The following ZNF462 variants were observed in gnomAD, a reference collection of about 807,000 sequenced individuals.
ZNF462 encodes zinc finger PBX1-interacting protein.
Under a neutral mutation model 201.9 loss-of-function variants are expected in ZNF462, and 10 were observed. The ratio of observed to expected loss-of-function variants is 0.05; its 90% CI spans 0.03 to 0.08. ZNF462 has a LOEUF of 0.08. Ranked by LOEUF, ZNF462 falls within the 10% of genes least tolerant of loss-of-function variation. The pLI, the probability that ZNF462 is intolerant of heterozygous loss-of-function variation, is 1.00. For missense variants in ZNF462, 2,523 were observed against 3,168.3 expected, an observed-to-expected ratio of 0.80 and a Z score of 4.89; for synonymous variants, 1,227 against 1,193.3, an observed-to-expected ratio of 1.03 and a Z score of -0.58.
chr9:106,939,547 G>A (rs557536910), intron 7 of ZNF462, among the ~76,000 whole-genome samples: 1 of 152,306 alleles, frequency 6.6e-6, no homozygotes, highest in East Asian at 1.9e-4. Context: ...AGTGCAAAGG[G>A]TGAATGAGTG....
upstream of ZNF462, among the ~76,000 whole-genome samples, chr9:106,861,457 G>A (rs1827064821): frequency 6.6e-6 from 1 of 152,188 alleles, no homozygotes; most frequent in Non-Finnish European, 1.5e-5. Flanking sequence ...CACCGGATGC[G>A]CGCTCCTCAA....
At position 106,919,610 on chromosome 9, in the gene ZNF462, A is replaced by G. The variant is rs895979210; in HGVS notation, c.-30-3744A>G. ...TTGTGGGTTTGCCCATCAAAACCCC[A>G]CATTTTGAAATCCTTCAAACTGTAA... is the stretch of plus-strand genomic sequence containing the variant. On this transcript the variant is annotated intron_variant, in intron 1 of 12. Transcript: ENST00000277225. This position sits in a 1 kb window ranked among gnomAD's most constrained non-coding sequence, Gnocchi z 4.5. 6.6e-6 allele frequency among the ~76,000 whole-genome samples: 1 copy of G among 152,236 alleles called. No individual in the cohort carries two copies. The highest frequency in any genetic ancestry group is 1.5e-5 in the Non-Finnish European group (1 of 68,036).
chr9:106,901,607 A>G (rs1404824451), intron 1 of ZNF462, among the ~76,000 whole-genome samples: 2 of 152,042 alleles, frequency 1.3e-5, no homozygotes, highest in Non-Finnish European at 2.9e-5. Context: ...AATGTTTTCT[A>G]GTTTTCCTTG....
intron 1 of ZNF462, among the ~76,000 whole-genome samples, chr9:106,871,580 C>G (rs1270692108): frequency 2.0e-5 from 3 of 152,134 alleles, no homozygotes; most frequent in African/African-American, 7.2e-5. Flanking sequence ...TAATTTGGTA[C>G]CTAACACATG....
rs1210477620 is a variant in ZNF462, at chr9:106,938,322, AT to A, written c.6236-592del. Among the ~76,000 whole-genome samples the A allele has an allele frequency of 6.6e-6, 1 of 152,084 alleles. No homozygotes were observed. The highest frequency in any genetic ancestry group is 1.5e-5 in the Non-Finnish European group (1 of 68,014). ...ACTTATTTTTACCCATTTCTGTGCT[AT>A]TGACTAGATAAGGAAATGGAGTTCT... On this transcript the variant is annotated intron_variant, in intron 6 of 12. Coordinates refer to ENST00000277225, the MANE Select transcript of ZNF462 (RefSeq NM_021224.6). This position sits in a 1 kb window ranked among gnomAD's most constrained non-coding sequence, Gnocchi z 4.4.
rs2131993190 is a variant in ZNF462 at position 106,968,331 on chromosome 9, ACT to A, written c.6428-3673_6428-3672del. ...TGAATAAATTCTAAATCCTATAGGC[ACT>A]GTGACCATCATTGCTAAAATTCTAA... On this transcript the variant is annotated intron_variant, in intron 7 of 12. Coordinates refer to ENST00000277225, the MANE Select transcript of ZNF462 (RefSeq NM_021224.6). The surrounding 1 kb of genome is among the most constrained non-coding windows in gnomAD (Gnocchi z 4.0). 6.6e-6 allele frequency among the ~76,000 whole-genome samples: 1 copy of A among 152,326 alleles called. No individual in the cohort carries two copies. The highest frequency in any genetic ancestry group is 1.5e-5 in the Non-Finnish European group (1 of 68,020).
intron 7 of ZNF462, among the ~76,000 whole-genome samples, chr9:106,957,972 A>G (rs888097910): frequency 2.0e-5 from 3 of 152,154 alleles, no homozygotes; most frequent in Non-Finnish European, 4.4e-5. Context: ...AGGTAGAGCC[A>G]TAGTCCATTT....
chr9:106,914,028 A>ATTT (rs34309250), intron 1 of ZNF462, among the ~76,000 whole-genome samples: 113 of 144,588 alleles, frequency 7.8e-4, no homozygotes, highest in African/African-American at 1.1e-3. Context: ...TTCGCCTAGG[A>ATTT]TTTTTTTTTT....
At chr9:106,862,163 GACAA>G (rs1196494974), upstream of ZNF462, among the ~76,000 whole-genome samples, 2 of 152,108 alleles carry the variant, frequency 1.3e-5, no homozygotes, top group African/African-American at 4.8e-5. The surrounding 1 kb of genome is among the most constrained non-coding windows in gnomAD (Gnocchi z 4.2). Flanking sequence ...GCCAGTAATG[GACAA>G]TTTGAGCTTT....
chr9:106,870,045 T>C lies in ZNF462; in HGVS notation c.-31+6690T>C, dbSNP rs540493033. ...TCATAAAATTTATCTTTTTTCTAAG[T>C]CCTCCTATTCTCATCAGCTGAAGCA... On this transcript the variant is annotated intron_variant, in intron 1 of 12. Coordinates refer to ENST00000277225, the MANE Select transcript of ZNF462 (RefSeq NM_021224.6). This position sits in a 1 kb window ranked among gnomAD's most constrained non-coding sequence, Gnocchi z 4.3. 6.6e-6 allele frequency among the ~76,000 whole-genome samples: 1 copy of C among 152,318 alleles called. No homozygotes were observed. The highest frequency in any genetic ancestry group is 2.1e-4 in the South Asian group (1 of 4,824).
In ZNF462 at chr9:106,984,245, G is replaced by C; in HGVS notation, c.6892G>C (p.Val2298Leu). The C allele has an allele frequency of 1.2e-6, 2 of 1,614,114 alleles. No individual in the cohort carries two copies. Among genetic ancestry groups the C allele is most frequent in the Non-Finnish European group, 1.7e-6 (2 of 1,179,986 alleles). The change falls in exon 10 of 13, where the codon GTA becomes CTA. Residue 2298 changes from valine (V) to leucine (L), a missense_variant. Coordinates refer to ENST00000277225, the MANE Select transcript of ZNF462 (RefSeq NM_021224.6). The surrounding 1 kb of genome is among the most constrained non-coding windows in gnomAD (Gnocchi z 6.4). ...CAAACTGTCCAAATACTTGCAGGGA[G>C]TAGTTTTCCGCTGTGATAAGTGTAC... is the stretch of plus-strand genomic sequence containing the variant. Reference protein sequence around the residue: ...RSKLSKYLQGVVFRCDKCTFT... With the variant: ...RSKLSKYLQGLVFRCDKCTFT...
intron 11 of ZNF462, among the ~76,000 whole-genome samples, chr9:107,004,228 C>T (rs753569549): frequency 5.3e-5 from 8 of 152,128 alleles, no homozygotes; most frequent in Non-Finnish European, 8.8e-5. Context: ...ATCAGAAGCA[C>T]GTGGATAACA....
rs777498994 is a variant in ZNF462 at position 106,935,580 on chromosome 9, A to G, written c.6194A>G (p.Tyr2065Cys). The change falls in exon 6 of 13, where the codon TAT (tyrosine) becomes TGT (cysteine). Residue 2065 changes from tyrosine to cysteine, a missense_variant. Transcript: ENST00000277225. This position sits in a 1 kb window ranked among gnomAD's most constrained non-coding sequence, Gnocchi z 4.1. The part of the protein sequence containing the change: ...RCKLCSFKSS[Y>C]NSRLKTHILK... ...AAACTCTGCTCCTTCAAGTCCTCCTATAACAGCCGGCTGAAAACACATATA... is the reference window on the plus strand; with the variant it reads ...AAACTCTGCTCCTTCAAGTCCTCCTGTAACAGCCGGCTGAAAACACATATA... The G allele has an allele frequency of 1.1e-5, 17 of 1,614,054 alleles. No individual in the cohort carries two copies. Among genetic ancestry groups the G allele is most frequent in the Non-Finnish European group, 1.4e-5 (16 of 1,179,972 alleles).
rs1314454304 is a variant in ZNF462, at chr9:106,870,807, C to T, written c.-31+7452C>T. Among the ~76,000 whole-genome samples the T allele has an allele frequency of 6.6e-6, 1 of 152,154 alleles. No homozygotes were observed. The highest frequency in any genetic ancestry group is 2.4e-5 in the African/African-American group (1 of 41,432). ...CCAGGATTTGTGGAGAGAGCTTAGCCGCCACAGAGCCCAGCTGGGGAAGGC... is the reference window on the plus strand; with the variant it reads ...CCAGGATTTGTGGAGAGAGCTTAGCTGCCACAGAGCCCAGCTGGGGAAGGC... On this transcript the variant is annotated intron_variant, in intron 1 of 12. Coordinates refer to ENST00000277225, the MANE Select transcript of ZNF462 (RefSeq NM_021224.6). The surrounding 1 kb of genome is among the most constrained non-coding windows in gnomAD (Gnocchi z 4.3).
rs1226310560 is a variant in ZNF462, at chr9:107,012,992, G to A, written c.*1962G>A. On this transcript the variant is annotated 3_prime_UTR_variant, in exon 13 of 13. Transcript: ENST00000277225. ...AAATGGGGAAAGTGTGAACTATCCA[G>A]ACAAAGATTCATTTTGTGTCTATAT... 6.8e-6 allele frequency: 1 copy of A among 147,692 alleles called. No homozygotes were observed. Among genetic ancestry groups the A allele is most frequent in the African/African-American group, 2.7e-5 (1 of 37,476 alleles). The allele number at this position is 147,692 out of a possible 1,614,324, so 9.1% of individuals were successfully genotyped here. A position where few individuals can be genotyped will look rare whatever the true frequency, so the allele number is the denominator to read the frequency against.
chr9:106,892,994 G>GCC (rs1828655415), intron 1 of ZNF462, among the ~76,000 whole-genome samples: 1 of 152,158 alleles, frequency 6.6e-6, no homozygotes, highest in East Asian at 1.9e-4. Flanking sequence ...TAAAACAAGA[G>GCC]CCCCCTTCTA....
At chr9:106,881,527 C>T (rs1295125721) in intron 1 of ZNF462, among the ~76,000 whole-genome samples, 2 of 152,186 alleles carry the variant, frequency 1.3e-5, no homozygotes, top group African/African-American at 4.8e-5. Context: ...TGGTGCAGAG[C>T]TTGACATATA....
chr9:106,984,587 C>T lies in ZNF462; in HGVS notation c.7056+178C>T, dbSNP rs1161146820. Among the ~76,000 whole-genome samples the T allele has an allele frequency of 2.6e-5, 4 of 152,086 alleles. No homozygotes were observed. The highest frequency in any genetic ancestry group is 3.9e-4 in the East Asian group (2 of 5,184). ...AACGTAAGGTCATTTTTAAAAATTG[C>T]GAAACACAGGTTGGGTGGAAGGGAA... is the stretch of plus-strand genomic sequence containing the variant. On this transcript the variant is annotated intron_variant, in intron 10 of 12. Transcript: ENST00000277225. The surrounding 1 kb of genome is among the most constrained non-coding windows in gnomAD (Gnocchi z 6.4).
chr9:106,956,994 ATG>A (rs1433242251), intron 7 of ZNF462, among the ~76,000 whole-genome samples: 1 of 152,102 alleles, frequency 6.6e-6, no homozygotes, highest in African/African-American at 2.4e-5. Flanking sequence ...CTTATTATTC[ATG>A]TGTTCACTGG....
Sources: gnomAD v4.1 joint callset for allele counts (sites outside exome capture counted in the v4.1 genomes callset) on GRCh38, gnomAD v4.1.1 for gene constraint, Gnocchi (gnomAD v3.1) non-coding constraint, MANE v1.5 for transcripts, NCBI Gene and HGNC (gene_info 2026-07-23, HGNC 2026-07-21) for gene names.